Variants in ITPR1 observed in about 807,000 individuals in gnomAD.
The protein encoded by ITPR1 is inositol 1,4,5-trisphosphate-gated calcium channel ITPR1.
ITPR1 carries 96 observed loss-of-function variants against 318.4 expected under a neutral mutation model. That is an observed-to-expected ratio of 0.30 (90% confidence interval 0.26 to 0.36). The LOEUF (loss-of-function observed/expected upper bound fraction) is 0.36, where lower values mean the gene tolerates loss of function less well. Ranked by LOEUF, ITPR1 falls within the 10% of genes least tolerant of loss-of-function variation. ITPR1 has a pLI of 1.00. For missense variants in ITPR1, 2,440 were observed against 3,460.2 expected, an observed-to-expected ratio of 0.71 and a Z score of 7.40; for synonymous variants, 1,312 against 1,289.9, an observed-to-expected ratio of 1.02 and a Z score of -0.37.
At chr3:4,700,783 A>T (rs2094636165) in intron 35 of ITPR1, among the ~76,000 whole-genome samples, 2 of 152,204 alleles carry the variant, frequency 1.3e-5, no homozygotes. Context: ...AAAAAGGTTT[A>T]GTGGACTCAC....
intron 54 of ITPR1, among the ~76,000 whole-genome samples, chr3:4,804,487 C>T (rs1049874766): frequency 8.5e-5 from 13 of 152,150 alleles, no homozygotes; most frequent in African/African-American, 2.9e-4. Flanking sequence ...AGAGTCCAGC[C>T]GCAGGCTGAG....
intron 4 of ITPR1, among the ~76,000 whole-genome samples, chr3:4,572,712 A>G (rs2088156611): frequency 6.6e-6 from 1 of 152,224 alleles, no homozygotes. Flanking sequence ...GCAGATCTGA[A>G]GTTCTGTTCG....
chr3:4,735,678 A>T (rs1471452061), intron 44 of ITPR1: 1 of 286,318 alleles, frequency 3.5e-6, no homozygotes, highest in Non-Finnish European at 6.6e-6. Context: ...CATGAAGTTT[A>T]TTTACAGTTT....
At chr3:4,534,002 A>G (rs577987707) in intron 4 of ITPR1, among the ~76,000 whole-genome samples, 23 of 152,260 alleles carry the variant, frequency 1.5e-4, no homozygotes, top group African/African-American at 5.1e-4. Flanking sequence ...CCTGCCCCCA[A>G]CGTGCTCCTT....
At chr3:4,814,172 C>T (rs1055544229) in intron 57 of ITPR1, 5 of 480,836 alleles carry the variant, frequency 1.0e-5, no homozygotes, top group African/African-American at 9.8e-5. Flanking sequence ...AAGGACAGGG[C>T]ATGTTTTAGA....
At chr3:4,834,201 A>G (rs1173089972) in intron 60 of ITPR1, among the ~76,000 whole-genome samples, 1 of 152,180 alleles carries the variant, frequency 6.6e-6, no homozygotes, top group Non-Finnish European at 1.5e-5. Flanking sequence ...CCTGTTAAAA[A>G]GAAAATCTAG....
At chr3:4,745,006 TC>T (rs2043989555) in intron 44 of ITPR1, among the ~76,000 whole-genome samples, 1 of 149,628 alleles carries the variant, frequency 6.7e-6, no homozygotes, top group Non-Finnish European at 1.5e-5. Context: ...TCCTTCTCTT[TC>T]CTTCCTTCCT....
At chr3:4,630,972 G>A (rs1163012045) in intron 5 of ITPR1, among the ~76,000 whole-genome samples, 3 of 152,246 alleles carry the variant, frequency 2.0e-5, no homozygotes, top group Admixed American at 6.5e-5. Flanking sequence ...ATGGTGTGGC[G>A]ACTAACATTA....
chr3:4,846,438 C>CAAAAATATTA lies in ITPR1; in HGVS notation c.*218_*227dup, dbSNP rs2051786630. 1 of 369,324 alleles carries CAAAAATATTA rather than the reference C, an allele frequency of 2.7e-6. No homozygotes were observed. Among genetic ancestry groups the CAAAAATATTA allele is most frequent in the Non-Finnish European group, 4.8e-6 (1 of 207,634 alleles). 22.9% of individuals were successfully genotyped at this position (369,324 alleles called of 1,614,324 possible). A position where few individuals can be genotyped will look rare whatever the true frequency, so the allele number is the denominator to read the frequency against. On this transcript the variant is annotated 3_prime_UTR_variant, in exon 62 of 62. Coordinates refer to ENST00000649015, the MANE Select transcript of ITPR1 (RefSeq NM_001378452.1). ...TGGCATGATGACATTTCATTTGTGCCAAAAATATTAAAAATGCCTTTTTTG... is the reference window on the plus strand; with the variant it reads ...TGGCATGATGACATTTCATTTGTGCCAAAAATATTAAAAAATATTAAAAATGCCTTTTTTG...
intron 42 of ITPR1, among the ~76,000 whole-genome samples, chr3:4,732,880 A>G (rs2043022580): frequency 6.6e-6 from 1 of 152,192 alleles, no homozygotes; most frequent in Non-Finnish European, 1.5e-5. Context: ...AATATTTTAG[A>G]TTGCTACCGT....
intron 44 of ITPR1, among the ~76,000 whole-genome samples, chr3:4,753,783 A>G (rs1249722628): frequency 6.6e-6 from 1 of 152,142 alleles, no homozygotes; most frequent in Admixed American, 6.5e-5. Context: ...AGAGCAGCGA[A>G]GGGAACGTGG....
intron 4 of ITPR1, among the ~76,000 whole-genome samples, chr3:4,585,371 G>C (rs886250273): frequency 1.3e-5 from 2 of 152,082 alleles, no homozygotes; most frequent in African/African-American, 2.4e-5. Context: ...ATCAGTCCTG[G>C]TACACAAAAC....
intron 4 of ITPR1, among the ~76,000 whole-genome samples, chr3:4,556,198 G>C (rs1295706868): frequency 2.0e-5 from 3 of 152,080 alleles, no homozygotes; most frequent in Non-Finnish European, 4.4e-5. Flanking sequence ...CTACTCCACA[G>C]CCTCTCTCAC....
chr3:4,540,483 G>A (rs773851035), intron 4 of ITPR1, among the ~76,000 whole-genome samples: 2 of 152,066 alleles, frequency 1.3e-5, no homozygotes, highest in Non-Finnish European at 2.9e-5. Flanking sequence ...TACATTTGTT[G>A]TAATGTATTT....
intron 4 of ITPR1, among the ~76,000 whole-genome samples, chr3:4,605,387 G>A (rs2091631618): frequency 6.6e-6 from 1 of 152,162 alleles, no homozygotes; most frequent in African/African-American, 2.4e-5. Flanking sequence ...AGGGTAGAAA[G>A]TGTCAGAAAG....
intron 4 of ITPR1, among the ~76,000 whole-genome samples, chr3:4,538,497 A>G (rs1166141285): frequency 3.3e-5 from 5 of 152,338 alleles, no homozygotes; most frequent in Middle Eastern, 6.8e-3. Flanking sequence ...GCGATTCCTC[A>G]AAGACCTAGA....
intron 4 of ITPR1, among the ~76,000 whole-genome samples, chr3:4,570,138 A>G (rs1402887711): frequency 6.6e-6 from 1 of 152,198 alleles, no homozygotes; most frequent in Non-Finnish European, 1.5e-5. Flanking sequence ...ATTAGATTTC[A>G]AACTTTATCT....
intron 60 of ITPR1, among the ~76,000 whole-genome samples, chr3:4,819,688 C>T (rs777983730): frequency 2.6e-5 from 4 of 152,132 alleles, no homozygotes; most frequent in Non-Finnish European, 1.5e-5. Flanking sequence ...ATGGGGAACC[C>T]GGAGGAAGGG....
chr3:4,590,274 G>A (rs563902146), intron 4 of ITPR1, among the ~76,000 whole-genome samples: 67 of 144,746 alleles, frequency 4.6e-4, no homozygotes, highest in African/African-American at 1.6e-3. Flanking sequence ...TTTCTCTGTA[G>A]AATTTAAGTT....
Sources: gnomAD v4.1 joint callset for allele counts (sites outside exome capture counted in the v4.1 genomes callset) on GRCh38, gnomAD v4.1.1 for gene constraint, MANE v1.5 for transcripts, NCBI Gene and HGNC (gene_info 2026-07-23, HGNC 2026-07-21) for gene names.